Variants in RTN4 observed in about 807,000 individuals in gnomAD.
RTN4 encodes the protein reticulon-4.
A neutral mutation model predicts 90.4 loss-of-function variants in RTN4; 32 were observed. The ratio of observed to expected loss-of-function variants is 0.35; its 90% CI spans 0.27 to 0.48. RTN4 has a LOEUF of 0.48. Among genes scored for constraint, RTN4 ranks in the 20% least tolerant of loss-of-function variants. The pLI is 0.99. For synonymous variants in RTN4, 629 were observed against 552.5 expected, an observed-to-expected ratio of 1.14 and a Z score of -1.94; for missense variants, 1,706 against 1,430.2, an observed-to-expected ratio of 1.19 and a Z score of -3.11.
At chr2:55,107,958 CCTT>C (rs1419940396) in intron 1 of RTN4, among the ~76,000 whole-genome samples, 2 of 151,888 alleles carry the variant, frequency 1.3e-5, no homozygotes, top group Non-Finnish European at 2.9e-5. Context: ...TAAATTCGGT[CCTT>C]TTTTTTTTTG....
chr2:55,094,908 T>C (rs1158696739), intron 1 of RTN4, among the ~76,000 whole-genome samples: 1 of 152,114 alleles, frequency 6.6e-6, no homozygotes, highest in Non-Finnish European at 1.5e-5. Context: ...ATAAGAAACT[T>C]CAGATTTTGA....
the RTN4 span, among the ~76,000 whole-genome samples, chr2:55,133,153 G>A: frequency 6.6e-6 from 1 of 152,190 alleles, no homozygotes; most frequent in Non-Finnish European, 1.5e-5. Flanking sequence ...AGAGGTTCCA[G>A]TGAGCTGAGA....
chr2:55,038,402 T>G (rs903192974), intron 1 of RTN4, among the ~76,000 whole-genome samples: 18 of 152,092 alleles, frequency 1.2e-4, no homozygotes, highest in African/African-American at 4.3e-4. Flanking sequence ...TCATAATATA[T>G]AGAGAGAACT....
the RTN4 span, among the ~76,000 whole-genome samples, chr2:55,129,263 A>G: frequency 5.8e-4 from 88 of 151,960 alleles, no homozygotes; most frequent in Non-Finnish European, 5.0e-4. Context: ...CTAAATTATC[A>G]TTGTTTTCTC....
At chr2:55,135,717 A>G in the RTN4 span, among the ~76,000 whole-genome samples, 1 of 152,164 alleles carries the variant, frequency 6.6e-6, no homozygotes, top group Non-Finnish European at 1.5e-5. Flanking sequence ...AAGTTTTCTC[A>G]TGCCCTGCTG....
At chr2:55,075,676 C>T (rs1276816104) in intron 2 of RTN4, among the ~76,000 whole-genome samples, 2 of 152,270 alleles carry the variant, frequency 1.3e-5, no homozygotes, top group East Asian at 3.9e-4. Flanking sequence ...CATTACATTA[C>T]TTGACTTCAA....
intron 3 of RTN4, among the ~76,000 whole-genome samples, chr2:55,004,016 A>G (rs1043838237): frequency 6.6e-6 from 1 of 152,172 alleles, no homozygotes; most frequent in Non-Finnish European, 1.5e-5. Context: ...TAAGAATTCT[A>G]TTCTCTGCCT....
At chr2:55,131,353 C>T in the RTN4 span, among the ~76,000 whole-genome samples, 1 of 152,030 alleles carries the variant, frequency 6.6e-6, no homozygotes, top group African/African-American at 2.4e-5. Context: ...GGACTACAGG[C>T]ATGCACCACC....
chr2:55,065,075 A>G (rs1668366469), intron 2 of RTN4, among the ~76,000 whole-genome samples: 1 of 152,206 alleles, frequency 6.6e-6, no homozygotes, highest in African/African-American at 2.4e-5. Context: ...TAAGTTGAGT[A>G]TGTTACTGGT....
chr2:55,014,263 A>T (rs1680864192), intron 3 of RTN4, among the ~76,000 whole-genome samples: 1 of 152,146 alleles, frequency 6.6e-6, no homozygotes, highest in Non-Finnish European at 1.5e-5. Context: ...TAAAGTCTAT[A>T]AAAAATTTAA....
upstream of RTN4, among the ~76,000 whole-genome samples, chr2:55,113,233 T>C (rs574408812): frequency 3.9e-5 from 6 of 152,346 alleles, no homozygotes; most frequent in South Asian, 1.0e-3. Flanking sequence ...AGTCCAAGGC[T>C]TCCTGGGGTG....
rs191581412 is a variant in RTN4 at position 55,101,069 on chromosome 2, A to T, written c.-214+11451T>A. ...TTATAAAATGTATTTTGAAATCTTG[A>T]CATAGAAACATGAGAGAACAAAAAC... On this transcript the variant is annotated intron_variant, in intron 1 of 3. Transcript: ENST00000427710. Among the ~76,000 whole-genome samples, 19 of 152,218 alleles carry T rather than the reference A, an allele frequency of 1.2e-4. No homozygotes were observed. In the East Asian group the frequency reaches 3.5e-3, roughly 28 times the overall value.
chr2:55,072,303 C>T (rs926738827), intron 2 of RTN4, among the ~76,000 whole-genome samples: 1 of 151,984 alleles, frequency 6.6e-6, no homozygotes. Flanking sequence ...GATCTCTGCT[C>T]ACTGCAAGCT....
chr2:55,064,891 T>C (rs989032760), intron 2 of RTN4, among the ~76,000 whole-genome samples: 3 of 152,200 alleles, frequency 2.0e-5, no homozygotes, highest in Non-Finnish European at 4.4e-5. Flanking sequence ...CTTTCCTTTT[T>C]AAGGAATCAC....
chr2:55,078,239 A>AT (rs891948472), intron 2 of RTN4, among the ~76,000 whole-genome samples: 1 of 152,074 alleles, frequency 6.6e-6, no homozygotes, highest in African/African-American at 2.4e-5. Context: ...TATTATTTTT[A>AT]TTTTTTTAAA....
At chr2:55,079,477 A>C (rs1029609388) in intron 2 of RTN4, among the ~76,000 whole-genome samples, 3 of 152,226 alleles carry the variant, frequency 2.0e-5, no homozygotes, top group Non-Finnish European at 4.4e-5. Flanking sequence ...AGGAAAGCAC[A>C]CATGTCAGGT....
chr2:55,081,862 CAA>C (rs71410421), intron 1 of RTN4, among the ~76,000 whole-genome samples: 4 of 105,438 alleles, frequency 3.8e-5, no homozygotes, highest in Admixed American at 1.1e-4. Context: ...GACCCTGTCT[CAA>C]AAAAAAAAAA....
intron 6 of RTN4, chr2:54,974,292 A>G: frequency 4.2e-6 from 1 of 238,256 alleles, no homozygotes; most frequent in South Asian, 5.9e-5. Context: ...CCTCAAACTT[A>G]TTTTGAGATG....
chr2:55,030,368 C>T (rs747557589), intron 1 of RTN4, among the ~76,000 whole-genome samples: 3 of 152,102 alleles, frequency 2.0e-5, no homozygotes, highest in Middle Eastern at 3.4e-3. Context: ...GGATTCGATC[C>T]AGTTACCCAT....
Sources: allele counts gnomAD v4.1 joint callset (sites outside exome capture counted in the v4.1 genomes callset), GRCh38; gene constraint gnomAD v4.1.1; transcripts MANE v1.5; gene names NCBI Gene and HGNC (gene_info 2026-07-23, HGNC 2026-07-21).